SPEN: variants seen among roughly 807,000 people sequenced by gnomAD.
The protein encoded by SPEN is spen family transcriptional repressor, also known as msx2-interacting protein.
SPEN carries 18 observed loss-of-function variants against 269.9 expected under a neutral mutation model. The observed-to-expected ratio is 0.07, with a 90% CI of 0.05 to 0.10. The LOEUF (loss-of-function observed/expected upper bound fraction) is 0.10. Ranked by LOEUF, SPEN falls within the 10% of genes least tolerant of loss-of-function variation. SPEN has a pLI of 1.00. For synonymous variants in SPEN, 1,726 were observed against 1,765.7 expected (o/e 0.98, Z 0.56); for missense variants, 3,822 against 4,631.2 (o/e 0.83, Z 5.07).
rs758122814 is a variant in SPEN at position 15,934,595 on chromosome 1, C to A, written c.8355C>A (p.Phe2785Leu). The A allele has an allele frequency of 6.2e-7, 1 of 1,614,116 alleles. No individual in the cohort carries two copies. Among genetic ancestry groups the A allele is most frequent in the Admixed American group, 1.7e-5 (1 of 60,020 alleles). Residue 2785 changes from phenylalanine (F) to leucine (L), a missense_variant, in exon 11 of 15, where the codon TTC (phenylalanine) becomes TTA (leucine). Transcript: ENST00000375759. This position sits in a 1 kb window ranked among gnomAD's most constrained non-coding sequence, Gnocchi z 9.2. ...QRASANENSR[F>L]HPGSMPVIDD... ...CGAGTGCTAATGAAAACAGTCGGTT[C>A]CACCCAGGGTCCATGCCTGTGATCG...
intron 10 of SPEN, among the ~76,000 whole-genome samples, chr1:15,923,494 T>C (rs1331880937): frequency 6.6e-6 from 1 of 152,186 alleles, no homozygotes; most frequent in Non-Finnish European, 1.5e-5. Context: ...GTTCAAAGTA[T>C]GAAAAGGGCT....
intron 6 of SPEN, among the ~76,000 whole-genome samples, chr1:15,917,223 C>A (rs1384861020): frequency 6.6e-6 from 1 of 152,188 alleles, no homozygotes; most frequent in Non-Finnish European, 1.5e-5. Flanking sequence ...ATGTCGTCTG[C>A]TAGCAGTTTA....
At position 15,929,697 on chromosome 1, in the gene SPEN, G is replaced by T; in HGVS notation, c.3457G>T (p.Val1153Leu). Reference protein sequence around the residue: ...RKSGQEKSHSVNTEEKIGIDI... With the variant: ...RKSGQEKSHSLNTEEKIGIDI... The stretch of plus-strand genomic sequence containing the variant: ...ATCAGGCCAAGAGAAATCACATTCA[G>T]TAAATACTGAAGAAAAAATTGGCAT... Residue 1153 changes from valine (V) to leucine (L), a missense_variant, in exon 11 of 15, where the codon GTA becomes TTA. Val to Leu is a conservative substitution (Grantham distance 32). Around this residue, in one of 16 missense-constraint regions of SPEN, gnomAD observed 572 missense variants for 582.6 expected, o/e 0.98. Coordinates refer to ENST00000375759, the MANE Select transcript of SPEN (RefSeq NM_015001.3). This position sits in a 1 kb window ranked among gnomAD's most constrained non-coding sequence, Gnocchi z 5.8. The T allele has an allele frequency of 6.2e-7, 1 of 1,614,008 alleles. No individual in the cohort carries two copies. The highest frequency in any genetic ancestry group is 8.5e-7 in the Non-Finnish European group (1 of 1,179,948).
rs780136735 is a variant in SPEN, at chr1:15,876,228, A to T, written c.431A>T (p.Tyr144Phe). 2 of 1,613,770 alleles carry T rather than the reference A, an allele frequency of 1.2e-6. No individual in the cohort carries two copies. The highest frequency in any genetic ancestry group is 4.5e-5 in the East Asian group (2 of 44,872). Residue 144 changes from tyrosine (Y) to phenylalanine (F), a missense_variant, in exon 3 of 15, where the codon TAT becomes TTT. By Grantham distance (22) the Tyr-to-Phe change is conservative (BLOSUM62 3). This residue lies in a region of SPEN where 327 missense variants were observed against 350.8 expected (regional missense o/e 0.93). Coordinates refer to ENST00000375759, the MANE Select transcript of SPEN (RefSeq NM_015001.3). Reference protein sequence around the residue: ...DGASDNRERAYEHSAYGHHER... With the variant: ...DGASDNRERAFEHSAYGHHER... ...GCTTCAGATAACAGGGAGCGTGCTT[A>T]TGAACATAGTGCCTATGGACACCAT...
In SPEN at chr1:15,938,965, A is replaced by C. The variant is rs137998790; in HGVS notation, c.10863+89A>C. The C allele has an allele frequency of 6.8e-3, 10,251 of 1,503,876 alleles. 107 individuals are homozygous for C. The highest frequency in any genetic ancestry group is 0.047 in the Middle Eastern group (269 of 5,732). The allele number at this position is 1,503,876 out of a possible 1,614,324, so 93.2% of individuals were successfully genotyped here. On this transcript the variant is annotated intron_variant, in intron 14 of 14. Transcript: ENST00000375759. Reference sequence around the variant, plus strand: ...GGCCTACTCATCTGGTGCCCACTAGATCTGGCCCCAGAGGTGGGCAAAGGG... The same window carrying C: ...GGCCTACTCATCTGGTGCCCACTAGCTCTGGCCCCAGAGGTGGGCAAAGGG...
chr1:15,906,374 G>T (rs576543153), intron 3 of SPEN, among the ~76,000 whole-genome samples: 1 of 149,606 alleles, frequency 6.7e-6, no homozygotes, highest in East Asian at 2.0e-4. Flanking sequence ...ACTGACAGAG[G>T]TTTATTTTCC....
rs776807791 is a variant in SPEN, at chr1:15,931,042, A to T, written c.4802A>T (p.Asp1601Val). 14 of 1,613,572 alleles carry T rather than the reference A, an allele frequency of 8.7e-6. No homozygotes were observed. Among genetic ancestry groups the T allele is most frequent in the Non-Finnish European group, 1.2e-5 (14 of 1,179,902 alleles). ...ATGCAACAGAAAGAAAAAGAAAAAGACCAGAAACCCAAAGAGGTTGAGAAA... is the reference window on the plus strand; with the variant it reads ...ATGCAACAGAAAGAAAAAGAAAAAGTCCAGAAACCCAAAGAGGTTGAGAAA... ...TRMQQKEKEK[D>V]QKPKEVEKQE... The change falls in exon 11 of 15, where the codon GAC becomes GTC. Residue 1601 changes from aspartate to valine, a missense_variant. This residue lies in a region of SPEN where 533 missense variants were observed against 618.8 expected (regional missense o/e 0.86). Transcript: ENST00000375759. This position sits in a 1 kb window ranked among gnomAD's most constrained non-coding sequence, Gnocchi z 4.8.
In SPEN at chr1:15,940,082, G is replaced by T. The variant is rs1421773290; in HGVS notation, c.*655G>T. The T allele has an allele frequency of 4.6e-6, 1 of 219,254 alleles. No individual in the cohort carries two copies. Among genetic ancestry groups the T allele is most frequent in the African/African-American group, 2.3e-5 (1 of 44,214 alleles). 13.6% of individuals were successfully genotyped at this position (219,254 alleles called of 1,614,324 possible). On this transcript the variant is annotated 3_prime_UTR_variant, in exon 15 of 15. Coordinates refer to ENST00000375759, the MANE Select transcript of SPEN (RefSeq NM_015001.3). ...TCTTGGTGGGATATGCAGAACTTGG[G>T]ATGTGTGTATATATAAATATATAAT...
At position 15,932,067 on chromosome 1, in the gene SPEN, G is replaced by A; in HGVS notation, c.5827G>A (p.Ala1943Thr). 1.9e-6 allele frequency: 3 copies of A among 1,614,140 alleles called. No homozygotes were observed. The highest frequency in any genetic ancestry group is 1.1e-5 in the South Asian group (1 of 91,088). ...RLERELQEAA[A>T]VPTTPRRGRP... ...GGAGCGAGAGCTTCAGGAGGCTGCA[G>A]CGGTTCCCACCACCCCTCGGAGGGG... The change falls in exon 11 of 15, where the codon GCG becomes ACG. Residue 1943 changes from alanine (A) to threonine (T), a missense_variant. Ala to Thr is a moderately conservative substitution (Grantham distance 58). Transcript: ENST00000375759. This position sits in a 1 kb window ranked among gnomAD's most constrained non-coding sequence, Gnocchi z 4.2.
At chr1:15,867,974 C>G (rs2070532086) in intron 1 of SPEN, among the ~76,000 whole-genome samples, 1 of 151,938 alleles carries the variant, frequency 6.6e-6, no homozygotes, top group African/African-American at 2.4e-5. Context: ...GCTGGGACTA[C>G]AGGCATGTGC....
At chr1:15,884,444 G>C (rs564004087) in intron 3 of SPEN, among the ~76,000 whole-genome samples, 1 of 152,252 alleles carries the variant, frequency 6.6e-6, no homozygotes, top group South Asian at 2.1e-4. Flanking sequence ...TTGTAGTCTT[G>C]TGAAAGAATG....
At position 15,848,388 on chromosome 1, in the gene SPEN, C is replaced by T. The variant is rs1172810457; in HGVS notation, c.83+238C>T. ...AGAGCCCGCGGGGCCCCGGCGGCCGCGTCCGTGACGAGGGAGGTGACCGAG... is the reference window on the plus strand; with the variant it reads ...AGAGCCCGCGGGGCCCCGGCGGCCGTGTCCGTGACGAGGGAGGTGACCGAG... On this transcript the variant is annotated intron_variant, in intron 1 of 14. Transcript: ENST00000375759. The surrounding 1 kb of genome is among the most constrained non-coding windows in gnomAD (Gnocchi z 5.1). Among the ~76,000 whole-genome samples the T allele has an allele frequency of 6.6e-6, 1 of 151,218 alleles. No individual in the cohort carries two copies. The highest frequency in any genetic ancestry group is 1.5e-5 in the Non-Finnish European group (1 of 67,716).
chr1:15,867,859 A>G (rs537632572), intron 1 of SPEN, among the ~76,000 whole-genome samples: 3 of 151,734 alleles, frequency 2.0e-5, no homozygotes, highest in Non-Finnish European at 2.9e-5. Flanking sequence ...CTGTATCCGT[A>G]TATGTGCTCT....
intron 3 of SPEN, among the ~76,000 whole-genome samples, chr1:15,888,931 A>G (rs2070763937): frequency 1.3e-5 from 2 of 152,054 alleles, no homozygotes; most frequent in African/African-American, 4.8e-5. Flanking sequence ...CGCCCGGCCA[A>G]TCATTTTTAC....
chr1:15,899,467 A>G (rs2070877101), intron 3 of SPEN, among the ~76,000 whole-genome samples: 1 of 151,052 alleles, frequency 6.6e-6, no homozygotes, highest in Non-Finnish European at 1.5e-5. Flanking sequence ...GGCGTGAGCC[A>G]CTGCGCTCGG....
chr1:15,875,228 C>T (rs183131864), intron 2 of SPEN, among the ~76,000 whole-genome samples: 6 of 152,198 alleles, frequency 3.9e-5, no homozygotes, highest in Admixed American at 2.6e-4. Flanking sequence ...GTACATGCAA[C>T]GTGTTTTGTA....
intron 1 of SPEN, among the ~76,000 whole-genome samples, chr1:15,870,370 A>G (rs1449182228): frequency 6.6e-6 from 1 of 152,194 alleles, no homozygotes; most frequent in Non-Finnish European, 1.5e-5. Flanking sequence ...TTACAATTCT[A>G]TAATAACTTT....
In SPEN at chr1:15,932,876, A is replaced by G. The variant is rs1386107153; in HGVS notation, c.6636A>G (p.Glu2212=). The G allele has an allele frequency of 1.9e-6, 3 of 1,614,236 alleles. No homozygotes were observed. The highest frequency in any genetic ancestry group is 2.5e-6 in the Non-Finnish European group (3 of 1,180,044). ...DRDKPAHQAS[E]TELAAAIGSI... ...ACAAGCCTGCACACCAAGCAAGTGA[A>G]ACAGAGCTGGCTGCGGCCATCGGCT... Residue 2212 remains glutamate, a synonymous_variant, in exon 11 of 15, where the codon GAA becomes GAG. Coordinates refer to ENST00000375759, the MANE Select transcript of SPEN (RefSeq NM_015001.3). The surrounding 1 kb of genome is among the most constrained non-coding windows in gnomAD (Gnocchi z 4.2).
chr1:15,876,702 A>G (rs1236615118), intron 3 of SPEN, 24 bp downstream of exon 3: 23 of 1,540,316 alleles, frequency 1.5e-5, no homozygotes, highest in Non-Finnish European at 2.1e-5. Flanking sequence ...CTTTTGTTAT[A>G]ACAGATGAGC....
Sources: allele counts gnomAD v4.1 joint callset (sites outside exome capture counted in the v4.1 genomes callset), GRCh38; gene constraint gnomAD v4.1.1; regional missense constraint gnomAD v4.1.1; non-coding constraint Gnocchi (gnomAD v3.1); transcripts MANE v1.5; gene names NCBI Gene and HGNC (gene_info 2026-07-23, HGNC 2026-07-21).